PTPN21: variants seen among roughly 807,000 people sequenced by gnomAD.
PTPN21 encodes tyrosine-protein phosphatase non-receptor type 21.
PTPN21 carries 77 observed loss-of-function variants against 131.8 expected under a neutral mutation model. The ratio of observed to expected loss-of-function variants is 0.58; its 90% CI spans 0.49 to 0.71. PTPN21 has a LOEUF of 0.71. PTPN21 is among the 30% of genes least tolerant of loss of function. The probability of loss-of-function intolerance (pLI) is 0.00; values close to 1 mark genes in which losing one functional copy is unlikely to be tolerated. For missense variants in PTPN21, 1,552 were observed against 1,527.1 expected, an observed-to-expected ratio of 1.02 and a Z score of -0.27; for synonymous variants, 715 against 621.3, an observed-to-expected ratio of 1.15 and a Z score of -2.24.
chr14:88,543,321 A>T (rs1214621345), intron 2 of PTPN21, among the ~76,000 whole-genome samples: 2 of 152,174 alleles, frequency 1.3e-5, no homozygotes, highest in Non-Finnish European at 2.9e-5. Flanking sequence ...TGACACAGCA[A>T]TCTTACATCA....
chr14:88,494,075 A>T (rs1235040859), intron 10 of PTPN21, among the ~76,000 whole-genome samples: 1 of 152,196 alleles, frequency 6.6e-6, no homozygotes, highest in African/African-American at 2.4e-5. Context: ...GCTAAGTGCT[A>T]TAAAGAACAA....
chr14:88,485,564 A>C (rs375605451), intron 11 of PTPN21, among the ~76,000 whole-genome samples: 3 of 152,176 alleles, frequency 2.0e-5, no homozygotes, highest in East Asian at 3.9e-4. Context: ...TAAGTTCTTA[A>C]TATTAAGGTC....
chr14:88,511,440 A>G (rs1479944141), intron 3 of PTPN21, among the ~76,000 whole-genome samples: 1 of 152,294 alleles, frequency 6.6e-6, no homozygotes, highest in South Asian at 2.1e-4. Context: ...TGGGAGGCTG[A>G]GGCAGGTGGA....
rs1277870379 is a variant in PTPN21 at position 88,469,750 on chromosome 14, T to A, written c.3001-17A>T. The A allele has an allele frequency of 2.5e-6, 4 of 1,612,910 alleles. No individual in the cohort carries two copies. Among genetic ancestry groups the A allele is most frequent in the Non-Finnish European group, 3.4e-6 (4 of 1,179,018 alleles). On this transcript the variant is annotated splice_polypyrimidine_tract_variant and intron_variant, in intron 16 of 18. Coordinates refer to ENST00000556564, the MANE Select transcript of PTPN21 (RefSeq NM_007039.4). The surrounding 1 kb of genome is among the most constrained non-coding windows in gnomAD (Gnocchi z 4.3). ...TCCACCCTCCTGTTAAAGATGAGCA[T>A]GGTTAAATGACTCGAGATCCGGCAA...
At position 88,479,551 on chromosome 14, in the gene PTPN21, G is replaced by A; in HGVS notation, c.1880C>T (p.Ala627Val). The A allele has an allele frequency of 1.9e-6, 3 of 1,599,064 alleles. No homozygotes were observed. Among genetic ancestry groups the A allele is most frequent in the Non-Finnish European group, 2.5e-6 (3 of 1,178,896 alleles). ...CCGTTTGTGCAGCTGCGCGTGGCGC[G>A]CGGCGGTGAGGGGCTCGCTGACCTC... ...LQEVSEPLTA[A>V]RHAQLHKRNS... The change falls in exon 13 of 19, where the codon GCG becomes GTG. Residue 627 changes from alanine to valine, a missense_variant. Coordinates refer to ENST00000556564, the MANE Select transcript of PTPN21 (RefSeq NM_007039.4).
intron 10 of PTPN21, among the ~76,000 whole-genome samples, chr14:88,490,697 G>A (rs1255437596): frequency 6.6e-6 from 1 of 152,198 alleles, no homozygotes; most frequent in African/African-American, 2.4e-5. Flanking sequence ...GAACCAAGGT[G>A]GACACCGGCT....
chr14:88,534,833 C>T (rs745761252), intron 2 of PTPN21, among the ~76,000 whole-genome samples: 4 of 152,052 alleles, frequency 2.6e-5, no homozygotes, highest in Non-Finnish European at 5.9e-5. Flanking sequence ...GCCATGATTG[C>T]GTCACTGCAC....
chr14:88,470,171 A>T (rs2077438406), intron 15 of PTPN21, 121 bp from the exon 16 acceptor site: 1 of 853,206 alleles, frequency 1.2e-6, no homozygotes, highest in African/African-American at 1.7e-5. Flanking sequence ...AAAAAGTAGT[A>T]AACTGGATTA....
intron 2 of PTPN21, among the ~76,000 whole-genome samples, chr14:88,526,524 T>C (rs879618835): frequency 1.9e-5 from 2 of 106,480 alleles, no homozygotes; most frequent in Admixed American, 3.1e-4. Context: ...CCCTTCAGCC[T>C]GGGCAATAGA....
chr14:88,515,325 A>G (rs955628874), intron 3 of PTPN21: 14 of 152,122 alleles, frequency 9.2e-5, no homozygotes, highest in African/African-American at 3.4e-4. Flanking sequence ...CAATCCAGCT[A>G]ATGCCTTTCT....
chr14:88,477,416 T>A (rs568115176), intron 13 of PTPN21, among the ~76,000 whole-genome samples: 22 of 111,792 alleles, frequency 2.0e-4, no homozygotes, highest in Non-Finnish European at 3.2e-4. Context: ...ACCACTGCAC[T>A]CCAGCCTGGG....
chr14:88,505,605 G>A (rs1595378539), intron 4 of PTPN21, among the ~76,000 whole-genome samples: 1 of 152,098 alleles, frequency 6.6e-6, no homozygotes, highest in East Asian at 1.9e-4. Context: ...CAAGTTGCAA[G>A]CTCTATGTAA....
At chr14:88,544,335 G>C (rs1435490724) in intron 2 of PTPN21, among the ~76,000 whole-genome samples, 1 of 151,940 alleles carries the variant, frequency 6.6e-6, no homozygotes, top group Non-Finnish European at 1.5e-5. Context: ...AACAGAGCAA[G>C]ACTCCATCTC....
rs1013877696 is a variant in PTPN21, at chr14:88,511,794, G to A, written c.351-3774C>T. Among the ~76,000 whole-genome samples, 5 of 152,228 alleles carry A rather than the reference G, an allele frequency of 3.3e-5. No homozygotes were observed. In the East Asian group the frequency reaches 5.8e-4, roughly 18 times the overall value. ...AAGCAAGTATTCCATAAACTTGCCC[G>A]AAAGTCAAAATATGCTGATTAAATA... On this transcript the variant is annotated intron_variant, in intron 3 of 18. Transcript: ENST00000556564.
Position 88,554,842 on chromosome 14 carries a change from T to TCC in PTPN21, c.-396_-395dup, listed in dbSNP as rs2078904155. On this transcript the variant is annotated 5_prime_UTR_variant, in exon 1 of 19. Transcript: ENST00000556564. ...TCGCAGACCATTCCCCTGGGCAGAGTCCGGCGGTGGCGACGGCGAGGGGCG... is the reference window on the plus strand; with the variant it reads ...TCGCAGACCATTCCCCTGGGCAGAGTCCCCGGCGGTGGCGACGGCGAGGGGCG... 1 of 151,496 alleles carries TCC rather than the reference T, an allele frequency of 6.6e-6. No homozygotes were observed. Among genetic ancestry groups the TCC allele is most frequent in the Admixed American group, 6.6e-5 (1 of 15,184 alleles). 9.4% of individuals were successfully genotyped at this position (151,496 alleles called of 1,614,324 possible).
At position 88,466,379 on chromosome 14, in the gene PTPN21, G is replaced by A. The variant is rs558865823; in HGVS notation, c.*1758C>T. The A allele has an allele frequency of 3.9e-5, 6 of 152,252 alleles. No individual in the cohort carries two copies. The South Asian group carries it at 1.2e-3, about 32-fold the overall frequency. The allele number at this position is 152,252 out of a possible 1,614,324, so 9.4% of individuals were successfully genotyped here. On this transcript the variant is annotated 3_prime_UTR_variant, in exon 19 of 19. Coordinates refer to ENST00000556564, the MANE Select transcript of PTPN21 (RefSeq NM_007039.4). ...TTTTCCTCTTAGGTGGTTGGTTTCT[G>A]GGTAAGGCAGAGTTAGGCTGGTGCA...
intron 2 of PTPN21, among the ~76,000 whole-genome samples, chr14:88,535,719 A>G (rs894263080): frequency 1.3e-5 from 2 of 152,176 alleles, no homozygotes; most frequent in Non-Finnish European, 2.9e-5. Flanking sequence ...ATAACAGTCA[A>G]ACTAATTTCT....
chr14:88,473,630 G>C, intron 14 of PTPN21, 35 bp downstream of exon 14: 1 of 1,584,980 alleles, frequency 6.3e-7, no homozygotes, highest in Non-Finnish European at 8.5e-7. Flanking sequence ...GGTTGTTCCA[G>C]AGAAGGCACA....
At chr14:88,553,003 A>G (rs2078887012) in intron 1 of PTPN21, among the ~76,000 whole-genome samples, 1 of 152,332 alleles carries the variant, frequency 6.6e-6, no homozygotes, top group East Asian at 1.9e-4. Context: ...AAGATATTGC[A>G]TATGTGTAGA....
Sources: gnomAD v4.1 joint callset for allele counts (sites outside exome capture counted in the v4.1 genomes callset) on GRCh38, gnomAD v4.1.1 for gene constraint, Gnocchi (gnomAD v3.1) non-coding constraint, MANE v1.5 for transcripts, NCBI Gene and HGNC (gene_info 2026-07-23, HGNC 2026-07-21) for gene names.